NTRK2: variants seen among roughly 807,000 people sequenced by gnomAD.
NTRK2 encodes the protein BDNF/NT-3 growth factors receptor.
Under a neutral mutation model 94.5 loss-of-function variants are expected in NTRK2, and 13 were observed. The observed-to-expected ratio is 0.14, with a 90% CI of 0.09 to 0.22. NTRK2 has a LOEUF of 0.22. Among genes scored for constraint, NTRK2 ranks in the 10% least tolerant of loss-of-function variants. The probability of loss-of-function intolerance (pLI) is 1.00; values close to 1 mark genes in which losing one functional copy is unlikely to be tolerated. For missense variants in NTRK2, 639 were observed against 1,071.2 expected, an observed-to-expected ratio of 0.60 and a Z score of 5.63; for synonymous variants, 372 against 407.4, an observed-to-expected ratio of 0.91 and a Z score of 1.05.
chr9:84,918,492 G>A (rs1226436574), intron 14 of NTRK2, among the ~76,000 whole-genome samples: 1 of 152,112 alleles, frequency 6.6e-6, no homozygotes, highest in African/African-American at 2.4e-5. Context: ...GCACTGGGGA[G>A]GTCTGAAGGG....
chr9:84,754,148 G>A (rs1206389239), intron 12 of NTRK2, among the ~76,000 whole-genome samples: 1 of 152,126 alleles, frequency 6.6e-6, no homozygotes, highest in Non-Finnish European at 1.5e-5. Context: ...TAACCTGAGG[G>A]CATCCTTAAT....
In NTRK2 at chr9:84,724,107, A is replaced by G. The variant is rs928750943; in HGVS notation, c.721-117A>G. ...TCGCCTGAGCCCAGTTCAGGCAGAG[A>G]AGCTTTTCTAATGCTATATATACAT... On this transcript the variant is annotated intron_variant, in intron 7 of 18. Transcript: ENST00000277120. The G allele has an allele frequency of 3.2e-5, 34 of 1,076,448 alleles. No homozygotes were observed. The African/African-American group carries it at 4.9e-4, about 15-fold the overall frequency. 66.7% of individuals were successfully genotyped at this position (1,076,448 alleles called of 1,614,324 possible). A position where few individuals can be genotyped will look rare whatever the true frequency, so the allele number is the denominator to read the frequency against.
chr9:84,876,148 T>C, intron 14 of NTRK2: 1 of 1,040,218 alleles, frequency 9.6e-7, no homozygotes. Context: ...GAACCCAAGC[T>C]CCTCATTAGA....
chr9:84,847,525 A>G (rs1404102804), intron 12 of NTRK2, among the ~76,000 whole-genome samples: 1 of 152,170 alleles, frequency 6.6e-6, no homozygotes, highest in Non-Finnish European at 1.5e-5. Context: ...CATTTGTCTT[A>G]TGGTTGCAGG....
At chr9:84,926,225 T>A (rs1215331355) in intron 14 of NTRK2, among the ~76,000 whole-genome samples, 1 of 146,298 alleles carries the variant, frequency 6.8e-6, no homozygotes, top group East Asian at 2.0e-4. Flanking sequence ...TTTCTTTCTT[T>A]CTTTCTTTTT....
Position 84,875,831 on chromosome 9 carries a change from TATCAATAGTATGAC to T in NTRK2, c.1633+8404_1633+8417del, listed in dbSNP as rs530403824. ...ACTGGGGTTCTGGCAAGGAGGCCTCTATCAATAGTATGACATCCAATAATATGTTAGTGTTGATA... is the reference window on the plus strand; with the variant it reads ...ACTGGGGTTCTGGCAAGGAGGCCTCTATCCAATAATATGTTAGTGTTGATA... On this transcript the variant is annotated intron_variant, in intron 14 of 18. Transcript: ENST00000277120. 4 of 1,044,076 alleles carry T rather than the reference TATCAATAGTATGAC, an allele frequency of 3.8e-6. No individual in the cohort carries two copies. The South Asian group carries it at 1.4e-4, about 36-fold the overall frequency. The allele number at this position is 1,044,076 out of a possible 1,614,324, so 64.7% of individuals were successfully genotyped here.
intron 14 of NTRK2, among the ~76,000 whole-genome samples, chr9:84,926,139 T>A (rs1275481370): frequency 1.4e-5 from 1 of 70,444 alleles, no homozygotes; most frequent in African/African-American, 4.4e-5. Flanking sequence ...CCTTCCTTCC[T>A]TCCTTCCTTC....
chr9:84,703,241 C>T (rs2060839944), intron 4 of NTRK2, among the ~76,000 whole-genome samples: 1 of 152,188 alleles, frequency 6.6e-6, no homozygotes, highest in Admixed American at 6.5e-5. Flanking sequence ...TTTGCTGTAC[C>T]AAATTCTCTT....
intron 9 of NTRK2, among the ~76,000 whole-genome samples, chr9:84,738,006 A>G (rs760228287): frequency 6.6e-6 from 1 of 151,430 alleles, no homozygotes; most frequent in Non-Finnish European, 1.5e-5. Flanking sequence ...AACCTCTTTC[A>G]GCTGAGGAGG....
intron 12 of NTRK2, among the ~76,000 whole-genome samples, chr9:84,831,523 T>C (rs1046052052): frequency 6.6e-6 from 1 of 152,174 alleles, no homozygotes; most frequent in Non-Finnish European, 1.5e-5. Flanking sequence ...CTTTAGCATA[T>C]ACCAGACAGT....
At chr9:84,835,922 C>A (rs1331140258) in intron 12 of NTRK2, among the ~76,000 whole-genome samples, 1 of 152,174 alleles carries the variant, frequency 6.6e-6, no homozygotes, top group Non-Finnish European at 1.5e-5. Flanking sequence ...GACAGAACAG[C>A]TCCAGAAACA....
intron 12 of NTRK2, among the ~76,000 whole-genome samples, chr9:84,842,533 C>T (rs956063485): frequency 1.6e-4 from 25 of 152,058 alleles, no homozygotes; most frequent in Non-Finnish European, 3.5e-4. Flanking sequence ...GGACTCTGGC[C>T]GTGGCTCTGC....
chr9:84,715,013 A>G (rs2061627870), intron 6 of NTRK2, among the ~76,000 whole-genome samples: 1 of 152,188 alleles, frequency 6.6e-6, no homozygotes, highest in South Asian at 2.1e-4. Context: ...AGTTTTCTTT[A>G]AAAGTTTCCC....
intron 9 of NTRK2, among the ~76,000 whole-genome samples, chr9:84,739,306 C>A (rs756236115): frequency 3.3e-5 from 5 of 152,318 alleles, no homozygotes; most frequent in Admixed American, 2.0e-4. Context: ...CCGCCTTGGC[C>A]TCCCAAAGTG....
At chr9:84,745,250 C>T (rs977498312) in intron 11 of NTRK2, among the ~76,000 whole-genome samples, 177 bp downstream of exon 11, 25 of 151,968 alleles carry the variant, frequency 1.6e-4, no homozygotes, top group African/African-American at 6.0e-4. Flanking sequence ...TGTTATATGG[C>T]CTTTGACTTA....
At chr9:84,792,945 A>G (rs2068878743) in intron 12 of NTRK2, among the ~76,000 whole-genome samples, 1 of 152,150 alleles carries the variant, frequency 6.6e-6, no homozygotes. Flanking sequence ...ACCAAGATGT[A>G]GTGGTTGCTA....
At chr9:84,730,557 G>A (rs1393033012) in intron 9 of NTRK2, among the ~76,000 whole-genome samples, 4 of 136,482 alleles carry the variant, frequency 2.9e-5, no homozygotes, top group South Asian at 2.2e-4. Flanking sequence ...TGGCTAACAC[G>A]GTGAAACCCC....
intron 12 of NTRK2, among the ~76,000 whole-genome samples, chr9:84,799,116 C>T (rs779415987): frequency 1.3e-5 from 2 of 152,008 alleles, no homozygotes; most frequent in Non-Finnish European, 1.5e-5. Flanking sequence ...GGCTTTAGCA[C>T]AGTGGCTGTT....
intron 10 of NTRK2, among the ~76,000 whole-genome samples, chr9:84,742,210 A>G (rs2063700830): frequency 6.6e-6 from 1 of 152,154 alleles, no homozygotes; most frequent in South Asian, 2.1e-4. Flanking sequence ...TTGGGAACTA[A>G]TTACCTGTTT....
Sources: gnomAD v4.1 joint callset for allele counts (sites outside exome capture counted in the v4.1 genomes callset) on GRCh38, gnomAD v4.1.1 for gene constraint, MANE v1.5 for transcripts, NCBI Gene and HGNC (gene_info 2026-07-23, HGNC 2026-07-21) for gene names.